VWA8: variants seen among roughly 807,000 people sequenced by gnomAD.
The protein encoded by VWA8 is von Willebrand factor A domain-containing protein 8.
Under a neutral mutation model 241.5 loss-of-function variants are expected in VWA8, and 221 were observed. The observed-to-expected ratio is 0.91, with a 90% CI of 0.82 to 1.02. The LOEUF (loss-of-function observed/expected upper bound fraction) is 1.02. VWA8 is among the 50% of genes least tolerant of loss of function. The pLI is 0.00. For synonymous variants in VWA8, 852 were observed against 827.1 expected, an observed-to-expected ratio of 1.03 and a Z score of -0.52; for missense variants, 2,322 against 2,328.7, an observed-to-expected ratio of 1.00 and a Z score of 0.06.
intron 2 of VWA8, among the ~76,000 whole-genome samples, chr13:41,931,927 T>C (rs968043708): frequency 2.6e-5 from 4 of 151,636 alleles, no homozygotes; most frequent in African/African-American, 7.3e-5. Flanking sequence ...GAAGAGAAAA[T>C]GAGATCCAAA....
intron 17 of VWA8, among the ~76,000 whole-genome samples, chr13:41,791,258 A>C (rs1378924430): frequency 1.3e-5 from 2 of 151,926 alleles, no homozygotes; most frequent in East Asian, 1.9e-4. Context: ...ATGCATAAAC[A>C]AAATAGCTGT....
Position 41,583,265 on chromosome 13 carries a change from G to C in VWA8, c.5271+4247C>G, listed in dbSNP as rs897965171. 1.1e-4 allele frequency among the ~76,000 whole-genome samples: 16 copies of C among 152,252 alleles called. No individual in the cohort carries two copies. In the East Asian group the frequency reaches 2.3e-3, roughly 22 times the overall value. On this transcript the variant is annotated intron_variant, in intron 42 of 44. Transcript: ENST00000379310. ...GATACAAAGTCCCATATGGAGAGAA[G>C]GCCTGTTAGGAGTTTTGGAAATACA... is the stretch of plus-strand genomic sequence containing the variant.
At position 41,787,472 on chromosome 13, in the gene VWA8, T is replaced by A; in HGVS notation, c.2135A>T (p.Asp712Val). 6.2e-7 allele frequency: 1 copy of A among 1,611,176 alleles called. No homozygotes were observed. Among genetic ancestry groups the A allele is most frequent in the Non-Finnish European group, 8.5e-7 (1 of 1,177,880 alleles). Residue 712 changes from aspartate to valine, a missense_variant, in exon 18 of 45, where the codon GAT becomes GTT. By Grantham distance (152) the Asp-to-Val change is radical (BLOSUM62 -3). Coordinates refer to ENST00000379310, the MANE Select transcript of VWA8 (RefSeq NM_015058.2). ...LADATIEINT[D>V]DNLEPELKDY... Reference sequence around the variant, plus strand: ...CTTCAGTTCTGGCTCCAAATTGTCATCAGTATTTATTTCTATTGTAGCATC... The same window carrying A: ...CTTCAGTTCTGGCTCCAAATTGTCAACAGTATTTATTTCTATTGTAGCATC...
chr13:41,880,911 C>G (rs1038500721), intron 9 of VWA8, among the ~76,000 whole-genome samples: 1 of 152,190 alleles, frequency 6.6e-6, no homozygotes, highest in Non-Finnish European at 1.5e-5. Context: ...AGAGGCTCCA[C>G]CTGCCAGCTT....
intron 12 of VWA8, among the ~76,000 whole-genome samples, chr13:41,864,976 T>G (rs1480855620): frequency 2.7e-5 from 3 of 111,476 alleles, no homozygotes; most frequent in African/African-American, 7.3e-5. Flanking sequence ...GGCAAAAGAG[T>G]GAAACTCCAT....
intron 7 of VWA8, 57 bp downstream of exon 7, chr13:41,886,724 G>A: frequency 7.2e-7 from 1 of 1,396,498 alleles, no homozygotes; most frequent in Non-Finnish European, 9.9e-7. Context: ...ATCAATCAAT[G>A]AACAGGCAAA....
At chr13:41,887,481 C>T (rs1280494925) in intron 5 of VWA8, 120 bp from the exon 6 acceptor site, 1 of 1,105,054 alleles carries the variant, frequency 9.0e-7, no homozygotes, top group African/African-American at 1.6e-5. Flanking sequence ...AGAACACTCT[C>T]AAATCCATAC....
chr13:41,735,110 G>C (rs1181980770), intron 21 of VWA8, among the ~76,000 whole-genome samples: 1 of 151,988 alleles, frequency 6.6e-6, no homozygotes, highest in East Asian at 1.9e-4. Context: ...TAGAGAAGGG[G>C]GTGGATGAGG....
chr13:41,863,676 C>A (rs1873151700), intron 12 of VWA8, among the ~76,000 whole-genome samples: 1 of 151,682 alleles, frequency 6.6e-6, no homozygotes, highest in African/African-American at 2.4e-5. Flanking sequence ...TTTGCAGCAA[C>A]ATGGATGTAG....
At chr13:41,791,188 C>G (rs1469394985) in intron 17 of VWA8, among the ~76,000 whole-genome samples, 1 of 151,472 alleles carries the variant, frequency 6.6e-6, no homozygotes, top group African/African-American at 2.4e-5. Context: ...CTGTGTTATT[C>G]TAAAGAGAAG....
chr13:41,937,722 T>A (rs1485909216), intron 2 of VWA8, among the ~76,000 whole-genome samples: 1 of 152,214 alleles, frequency 6.6e-6, no homozygotes, highest in Non-Finnish European at 1.5e-5. Flanking sequence ...TAATGATGCA[T>A]TTCTCAGAAG....
At chr13:41,600,491 C>T (rs918966706) in intron 40 of VWA8, among the ~76,000 whole-genome samples, 3 of 152,122 alleles carry the variant, frequency 2.0e-5, no homozygotes, top group Non-Finnish European at 4.4e-5. Context: ...CCTCTCTTTG[C>T]TCTGCACTCT....
intron 40 of VWA8, among the ~76,000 whole-genome samples, chr13:41,597,080 G>C (rs1436901685): frequency 6.6e-6 from 1 of 152,030 alleles, no homozygotes; most frequent in Non-Finnish European, 1.5e-5. Flanking sequence ...AATTGTTATA[G>C]AGAGTTTATA....
intron 37 of VWA8, among the ~76,000 whole-genome samples, chr13:41,653,657 A>G (rs1429373663): frequency 6.6e-6 from 1 of 152,210 alleles, no homozygotes; most frequent in Admixed American, 6.5e-5. Flanking sequence ...CCAACTTCAA[A>G]CTATACTACA....
intron 14 of VWA8, among the ~76,000 whole-genome samples, chr13:41,829,530 T>TACACACACACAC (rs71096546): frequency 1.4e-4 from 19 of 139,832 alleles, no homozygotes; most frequent in East Asian, 8.4e-4. Flanking sequence ...GGAAATGTGA[T>TACACACACACAC]ACACACACAC....
intron 43 of VWA8, among the ~76,000 whole-genome samples, chr13:41,572,735 T>C (rs1256097658): frequency 3.3e-4 from 49 of 149,536 alleles, no homozygotes; most frequent in African/African-American, 1.1e-3. Flanking sequence ...CCCTCCACTA[T>C]TGTCCTATGA....
chr13:41,926,466 T>G (rs980229368), intron 2 of VWA8: 2 of 524,754 alleles, frequency 3.8e-6, no homozygotes, highest in Non-Finnish European at 3.8e-6. Flanking sequence ...GCGCTGGACA[T>G]GAGAATTGCT....
intron 26 of VWA8, among the ~76,000 whole-genome samples, chr13:41,707,341 A>T (rs1024740071): frequency 6.6e-6 from 1 of 152,220 alleles, no homozygotes; most frequent in African/African-American, 2.4e-5. Context: ...TTGGAATATG[A>T]AAGAAAACAC....
Position 41,961,086 on chromosome 13 carries a change from A to AGGC in VWA8, c.-74_-72dup. The AGGC allele has an allele frequency of 7.7e-7, 1 of 1,305,712 alleles. No homozygotes were observed. The highest frequency in any genetic ancestry group is 9.8e-7 in the Non-Finnish European group (1 of 1,018,548). The allele number at this position is 1,305,712 out of a possible 1,614,324, so 80.9% of individuals were successfully genotyped here. On this transcript the variant is annotated 5_prime_UTR_variant, in exon 1 of 45. Coordinates refer to ENST00000379310, the MANE Select transcript of VWA8 (RefSeq NM_015058.2). ...AGCGGCGTCCCGTGCAGGCACCGTG[A>AGGC]GGCAGCGCGGAGAAGGGGACAGGAA... is the stretch of plus-strand genomic sequence containing the variant.
Sources: allele counts gnomAD v4.1 joint callset (sites outside exome capture counted in the v4.1 genomes callset), GRCh38; gene constraint gnomAD v4.1.1; transcripts MANE v1.5; gene names NCBI Gene and HGNC (gene_info 2026-07-23, HGNC 2026-07-21).